The following FRMD4A variants were observed in gnomAD, a reference collection of about 807,000 sequenced individuals.
FRMD4A encodes the protein FERM domain-containing protein 4A.
FRMD4A carries 29 observed loss-of-function variants against 129.1 expected under a neutral mutation model. The ratio of observed to expected loss-of-function variants is 0.22; its 90% CI spans 0.17 to 0.31. The LOEUF is 0.31. Among genes scored for constraint, FRMD4A ranks in the 10% least tolerant of loss-of-function variants. The probability of loss-of-function intolerance (pLI) is 1.00; values close to 1 mark genes in which losing one functional copy is unlikely to be tolerated. For missense variants in FRMD4A, 1,272 were observed against 1,375.8 expected (o/e 0.92, Z 1.19); for synonymous variants, 634 against 571.6 (o/e 1.11, Z -1.56).
chr10:14,011,400 C>T (rs564612388), intron 2 of FRMD4A, among the ~76,000 whole-genome samples: 8 of 152,218 alleles, frequency 5.3e-5, no homozygotes, highest in African/African-American at 1.9e-4. Context: ...GTTATTAGAG[C>T]CAGGGGCCAG....
Position 13,771,499 on chromosome 10 carries a change from G to A in FRMD4A, c.385-8819C>T, listed in dbSNP as rs553056800. Among the ~76,000 whole-genome samples the A allele has an allele frequency of 7.9e-5, 12 of 152,248 alleles. No homozygotes were observed. In the South Asian group the frequency reaches 1.2e-3, roughly 16 times the overall value. Reference sequence around the variant, plus strand: ...CAGTGCAGTGTAGGCAACAAAACTCGGTGATTTCTCAGGAAATATGCAAAT... The same window carrying A: ...CAGTGCAGTGTAGGCAACAAAACTCAGTGATTTCTCAGGAAATATGCAAAT... On this transcript the variant is annotated intron_variant, in intron 6 of 24. Coordinates refer to ENST00000357447, the MANE Select transcript of FRMD4A (RefSeq NM_018027.5).
chr10:13,773,527 C>T (rs962645611), intron 6 of FRMD4A, among the ~76,000 whole-genome samples: 4 of 152,238 alleles, frequency 2.6e-5, no homozygotes, highest in Admixed American at 2.6e-4. Context: ...TCTTTTCTCT[C>T]TGAAGGTTTG....
intron 2 of FRMD4A, among the ~76,000 whole-genome samples, chr10:14,321,659 A>T (rs1278340988): frequency 3.3e-5 from 5 of 152,234 alleles, no homozygotes; most frequent in African/African-American, 1.2e-4. Flanking sequence ...CAGAGAAATT[A>T]GACCTTTATT....
intron 19 of FRMD4A, among the ~76,000 whole-genome samples, chr10:13,662,419 A>G (rs1282086361): frequency 3.3e-5 from 5 of 152,194 alleles, no homozygotes. Flanking sequence ...ACAGCCACTT[A>G]TCACTGCCTG....
At chr10:14,111,765 T>C (rs965141952) in intron 2 of FRMD4A, among the ~76,000 whole-genome samples, 1 of 151,790 alleles carries the variant, frequency 6.6e-6, no homozygotes, top group African/African-American at 2.4e-5. Context: ...TTGAGTAGCA[T>C]AAGAGGTGGT....
rs201591590 is a variant in FRMD4A, at chr10:14,043,831, C to CT, written c.46-184920dup. Among the ~76,000 whole-genome samples the CT allele has an allele frequency of 4.9e-3, 743 of 151,094 alleles. 8 individuals are homozygous for CT. The highest frequency in any genetic ancestry group is 0.017 in the African/African-American group (720 of 41,204). ...GTCCGGTCCCAGATCTCTGGGTCAT[C>CT]TTTTTTTTTTCTTAAGACAAGGTCT... On this transcript the variant is annotated intron_variant, in intron 2 of 24. Transcript: ENST00000357447.
intron 2 of FRMD4A, chr10:14,008,215 C>G (rs1157192663): frequency 1.8e-6 from 1 of 542,544 alleles, no homozygotes; most frequent in Non-Finnish European, 2.2e-6. Context: ...TGTGTGTTCC[C>G]AGCAAAGGGA....
chr10:14,103,270 A>T (rs138113325), intron 2 of FRMD4A, among the ~76,000 whole-genome samples: 85 of 152,336 alleles, frequency 5.6e-4, no homozygotes, highest in African/African-American at 2.0e-3. Flanking sequence ...ATATTGTACA[A>T]ATGCATCCTC....
intron 2 of FRMD4A, among the ~76,000 whole-genome samples, chr10:13,997,860 G>A (rs1411065898): frequency 6.6e-6 from 1 of 152,058 alleles, no homozygotes; most frequent in Non-Finnish European, 1.5e-5. Context: ...CAAGTGATCT[G>A]CTCACCTCTA....
At chr10:14,244,753 C>G (rs148727552) in intron 2 of FRMD4A, among the ~76,000 whole-genome samples, 342 of 152,306 alleles carry the variant, frequency 2.2e-3, no homozygotes, top group African/African-American at 7.3e-3. Context: ...ACATCACACC[C>G]AGGAAGGCAG....
intron 2 of FRMD4A, among the ~76,000 whole-genome samples, chr10:13,895,778 G>C (rs1412797597): frequency 2.0e-5 from 3 of 152,032 alleles, no homozygotes; most frequent in Non-Finnish European, 2.9e-5. Flanking sequence ...ATCTGACAAA[G>C]GTCCAATATC....
At chr10:14,166,450 G>A (rs1841181263) in intron 2 of FRMD4A, among the ~76,000 whole-genome samples, 1 of 151,924 alleles carries the variant, frequency 6.6e-6, no homozygotes, top group African/African-American at 2.4e-5. Flanking sequence ...TTTTTTTCCT[G>A]TTTGCCTAAA....
At chr10:14,079,135 A>G (rs1472642721) in intron 2 of FRMD4A, among the ~76,000 whole-genome samples, 1 of 152,202 alleles carries the variant, frequency 6.6e-6, no homozygotes, top group African/African-American at 2.4e-5. Context: ...ACTGCATGTT[A>G]AATCCTCACA....
chr10:13,911,792 G>C (rs186239352), intron 2 of FRMD4A, among the ~76,000 whole-genome samples: 1 of 152,212 alleles, frequency 6.6e-6, no homozygotes, highest in African/African-American at 2.4e-5. Context: ...GAACTGCTGA[G>C]CTCAGGTAAT....
chr10:14,200,601 C>T (rs1397258716), intron 2 of FRMD4A, among the ~76,000 whole-genome samples: 2 of 152,144 alleles, frequency 1.3e-5, no homozygotes, highest in Non-Finnish European at 2.9e-5. Context: ...GAGAGAAGTT[C>T]AATGGGGATT....
intron 2 of FRMD4A, among the ~76,000 whole-genome samples, chr10:14,101,192 G>T (rs916953024): frequency 6.6e-6 from 1 of 152,126 alleles, no homozygotes; most frequent in African/African-American, 2.4e-5. Flanking sequence ...TCTGGGCTAG[G>T]TGTCTTCTCA....
At chr10:13,710,452 C>G (rs910613191) in intron 12 of FRMD4A, 1 of 152,350 alleles carries the variant, frequency 6.6e-6, no homozygotes, top group African/African-American at 2.4e-5. Flanking sequence ...ATGGCCCCGT[C>G]TGTGGCTGCT....
chr10:14,077,858 C>T (rs1835701290), intron 2 of FRMD4A, among the ~76,000 whole-genome samples: 1 of 152,216 alleles, frequency 6.6e-6, no homozygotes, highest in East Asian at 1.9e-4. Flanking sequence ...TAACATCCAT[C>T]TAGAATATTC....
At chr10:13,770,071 C>T (rs1266040699) in intron 6 of FRMD4A, among the ~76,000 whole-genome samples, 2 of 152,058 alleles carry the variant, frequency 1.3e-5, no homozygotes, top group African/African-American at 2.4e-5. Flanking sequence ...ACTAATACAC[C>T]GTATATCATT....
Sources: allele counts gnomAD v4.1 joint callset (sites outside exome capture counted in the v4.1 genomes callset), GRCh38; gene constraint gnomAD v4.1.1; transcripts MANE v1.5; gene names NCBI Gene and HGNC (gene_info 2026-07-23, HGNC 2026-07-21).